The following RNF169 variants were observed in gnomAD, a reference collection of about 807,000 sequenced individuals.
The protein encoded by RNF169 is E3 ubiquitin-protein ligase RNF169.
Under a neutral mutation model 53.9 loss-of-function variants are expected in RNF169, and 24 were observed. The observed-to-expected ratio is 0.45, with a 90% confidence interval of 0.32 to 0.63. RNF169 has a LOEUF of 0.63. Among genes scored for constraint, RNF169 ranks in the 20% least tolerant of loss-of-function variants. RNF169 has a pLI of 0.04. For synonymous variants in RNF169, 396 were observed against 363.5 expected (o/e 1.09, Z -1.02); for missense variants, 883 against 906.2 (o/e 0.97, Z 0.33).
Position 74,808,159 on chromosome 11 carries a change from A to C in RNF169, c.577-2025A>C, listed in dbSNP as rs146313140. The C allele has an allele frequency of 2.6e-5, 4 of 152,280 alleles. No individual in the cohort carries two copies. In the East Asian group the frequency reaches 7.7e-4, roughly 29 times the overall value. The allele number at this position is 152,280 out of a possible 1,614,324, so 9.4% of individuals were successfully genotyped here. A position where few individuals can be genotyped will look rare whatever the true frequency, so the allele number is the denominator to read the frequency against. On this transcript the variant is annotated intron_variant, in intron 2 of 5. Transcript: ENST00000299563. ...AGGATCATTTGAGCTCAGGAGTTTG[A>C]GACCAGCCTGGGCAACATATTGAGA... is the stretch of plus-strand genomic sequence containing the variant.
In RNF169 at chr11:74,836,163, T is replaced by C; in HGVS notation, c.1560T>C (p.Ser520=). The change falls in exon 6 of 6, where the codon AGT becomes AGC. Residue 520 remains serine, a synonymous_variant. Coordinates refer to ENST00000299563, the MANE Select transcript of RNF169 (RefSeq NM_001098638.2). The part of the protein sequence containing the change: ...TKAEQDSDNK[S]STEIPLETCC... ...CAGAACAGGACAGTGATAATAAAAGTAGCACTGAGATCCCACTGGAAACCT... is the reference window on the plus strand; with the variant it reads ...CAGAACAGGACAGTGATAATAAAAGCAGCACTGAGATCCCACTGGAAACCT... 1 of 1,614,116 alleles carries C rather than the reference T, an allele frequency of 6.2e-7. No individual in the cohort carries two copies. Among genetic ancestry groups the C allele is most frequent in the Non-Finnish European group, 8.5e-7 (1 of 1,180,002 alleles).
intron 1 of RNF169, 22 bp downstream of exon 1, chr11:74,749,404 T>G: frequency 1.6e-6 from 2 of 1,236,700 alleles, no homozygotes; most frequent in Non-Finnish European, 1.0e-6. Flanking sequence ...CCACTTCCCC[T>G]TAGGGTCTGG....
intron 3 of RNF169, among the ~76,000 whole-genome samples, chr11:74,814,957 G>A (rs950159946): frequency 1.1e-4 from 17 of 152,066 alleles, no homozygotes; most frequent in Non-Finnish European, 1.5e-4. Flanking sequence ...TTTATTATAG[G>A]TTTATTATGC....
intron 1 of RNF169, among the ~76,000 whole-genome samples, chr11:74,760,277 A>G (rs1349783498): frequency 6.6e-6 from 1 of 151,976 alleles, no homozygotes; most frequent in African/African-American, 2.4e-5. Context: ...GGATTCATTG[A>G]TTTTTTGAAG....
chr11:74,761,257 CTT>C (rs907625027), intron 1 of RNF169, among the ~76,000 whole-genome samples: 15 of 147,332 alleles, frequency 1.0e-4, no homozygotes, highest in Non-Finnish European at 1.6e-4. Flanking sequence ...GGTCATGACT[CTT>C]TATCCAACTT....
At chr11:74,812,642 CTAATT>C (rs2035889790) in intron 3 of RNF169, among the ~76,000 whole-genome samples, 1 of 152,088 alleles carries the variant, frequency 6.6e-6, no homozygotes, top group African/African-American at 2.4e-5. Context: ...TTAAATGGCT[CTAATT>C]TAAGAGTTTT....
At chr11:74,754,105 A>T (rs1162592791) in intron 1 of RNF169, among the ~76,000 whole-genome samples, 1 of 152,172 alleles carries the variant, frequency 6.6e-6, no homozygotes, top group Admixed American at 6.5e-5. Context: ...GAATTATGTA[A>T]TATGTGTCTA....
At chr11:74,759,670 A>G (rs1213841564) in intron 1 of RNF169, among the ~76,000 whole-genome samples, 1 of 143,904 alleles carries the variant, frequency 6.9e-6, no homozygotes, top group African/African-American at 2.7e-5. Context: ...CCACTTGATC[A>G]TGGTGGATAA....
At chr11:74,832,020 T>C (rs1332235904) in intron 4 of RNF169, 1 of 152,216 alleles carries the variant, frequency 6.6e-6, no homozygotes, top group Admixed American at 6.5e-5. Flanking sequence ...GAGACCTAAA[T>C]GTAAGTGCTT....
intron 1 of RNF169, among the ~76,000 whole-genome samples, chr11:74,771,705 A>G (rs2035263031): frequency 6.6e-6 from 1 of 151,954 alleles, no homozygotes; most frequent in South Asian, 2.1e-4. Context: ...CTTTGTCTCC[A>G]AAAAAAATAA....
chr11:74,802,933 G>T (rs11822616), intron 2 of RNF169, among the ~76,000 whole-genome samples: 226 of 150,998 alleles, frequency 1.5e-3, no homozygotes, highest in Non-Finnish European at 2.4e-3. Context: ...TTTTTGGGGG[G>T]GGGTGGGGAC....
At chr11:74,805,092 T>C (rs2135109927) in intron 2 of RNF169, among the ~76,000 whole-genome samples, 1 of 152,352 alleles carries the variant, frequency 6.6e-6, no homozygotes, top group East Asian at 1.9e-4. Context: ...TGAATGTCCA[T>C]AGTAGATTTA....
chr11:74,766,789 A>T (rs185861049), intron 1 of RNF169, among the ~76,000 whole-genome samples: 193 of 152,348 alleles, frequency 1.3e-3, no homozygotes, highest in African/African-American at 4.5e-3. Flanking sequence ...TCCATTGAAG[A>T]AGTACCAGGC....
At chr11:74,756,000 G>A (rs1359290298) in intron 1 of RNF169, among the ~76,000 whole-genome samples, 1 of 152,152 alleles carries the variant, frequency 6.6e-6, no homozygotes, top group Non-Finnish European at 1.5e-5. Context: ...GAAGAGGAAA[G>A]ATGTGAGTAG....
At chr11:74,807,189 A>C (rs921215828) in intron 2 of RNF169, among the ~76,000 whole-genome samples, 2 of 152,130 alleles carry the variant, frequency 1.3e-5, no homozygotes, top group Non-Finnish European at 2.9e-5. Context: ...TCTCTGCTGC[A>C]GTACCTGCCA....
In RNF169 at chr11:74,836,254, T is replaced by G. The variant is rs556078840; in HGVS notation, c.1651T>G (p.Leu551Val). The stretch of plus-strand genomic sequence containing the variant: ...TTTGGAGAGGGAGCAGTTTGAGGGG[T>G]TAGGGTCAACTCCAGATGCCAAGTT... ...TSLEREQFEG[L>V]GSTPDAKLDK... The change falls in exon 6 of 6, where the codon TTA becomes GTA. Residue 551 changes from leucine (L) to valine (V), a missense_variant. Leu to Val is a conservative substitution (Grantham distance 32). Transcript: ENST00000299563. The G allele has an allele frequency of 8.1e-6, 13 of 1,613,870 alleles. No individual in the cohort carries two copies. In the African/African-American group the frequency reaches 1.6e-4, roughly 20 times the overall value.
chr11:74,806,650 A>G (rs1487698629), intron 2 of RNF169, among the ~76,000 whole-genome samples: 1 of 152,248 alleles, frequency 6.6e-6, no homozygotes, highest in Non-Finnish European at 1.5e-5. Context: ...ACCTGCATGG[A>G]TGAATATCAC....
chr11:74,749,043 C>G lies in RNF169; in HGVS notation c.163C>G (p.Leu55Val), dbSNP rs1002723277. 2 of 1,469,272 alleles carry G rather than the reference C, an allele frequency of 1.4e-6. No homozygotes were observed. The highest frequency in any genetic ancestry group is 2.9e-5 in the African/African-American group (2 of 68,272). 91.0% of individuals were successfully genotyped at this position (1,469,272 alleles called of 1,614,324 possible). A position where few individuals can be genotyped will look rare whatever the true frequency, so the allele number is the denominator to read the frequency against. Residue 55 changes from leucine (L) to valine (V), a missense_variant, in exon 1 of 6, where the codon CTG (leucine) becomes GTG (valine). Leu to Val is a conservative substitution (Grantham distance 32). Around this residue, in one of 3 missense-constraint regions of RNF169, gnomAD observed 313 missense variants for 279.9 expected, o/e 1.12. Transcript: ENST00000299563. ...GCTGTTGGTGTTGTCGCCGCCGTTG[C>G]TGCAGCCGCCGCTGCCGCCGCGGCC... The part of the protein sequence containing the change: ...PSLLVLSPPL[L>V]QPPLPPRPEE...
chr11:74,780,092 G>C (rs1176429887), intron 1 of RNF169, among the ~76,000 whole-genome samples: 2 of 152,132 alleles, frequency 1.3e-5, no homozygotes, highest in African/African-American at 4.8e-5. Flanking sequence ...TTTCGCTGTT[G>C]TGCACCTCCA....
Sources: gnomAD v4.1 joint callset for allele counts (sites outside exome capture counted in the v4.1 genomes callset) on GRCh38, gnomAD v4.1.1 for gene constraint, gnomAD v4.1.1 regional missense constraint, MANE v1.5 for transcripts, NCBI Gene and HGNC (gene_info 2026-07-23, HGNC 2026-07-21) for gene names.